The following GTF2IRD1 variants were observed in gnomAD, a reference collection of about 807,000 sequenced individuals.
GTF2IRD1 encodes the protein GTF2I repeat domain containing 1, also known as general transcription factor II-I repeat domain-containing protein 1.
GTF2IRD1 carries 26 observed loss-of-function variants against 113.2 expected under a neutral mutation model. The ratio of observed to expected loss-of-function variants is 0.23; its 90% confidence interval spans 0.17 to 0.32. The LOEUF (loss-of-function observed/expected upper bound fraction) is 0.32, where lower values mean the gene tolerates loss of function less well. GTF2IRD1 is among the 10% of genes least tolerant of loss of function. The pLI is 1.00. For missense variants in GTF2IRD1, 864 were observed against 1,280.8 expected (o/e 0.67, Z 4.97); for synonymous variants, 484 against 529.1 (o/e 0.91, Z 1.17).
chr7:74,567,294 C>T (rs1800380291), intron 22 of GTF2IRD1, among the ~76,000 whole-genome samples: 2 of 150,916 alleles, frequency 1.3e-5, no homozygotes, highest in Admixed American at 1.3e-4. Flanking sequence ...CACCACAGCA[C>T]TCCAACCCGG....
intron 22 of GTF2IRD1, among the ~76,000 whole-genome samples, chr7:74,568,875 A>G (rs1223958548): frequency 3.9e-5 from 6 of 152,132 alleles, no homozygotes; most frequent in African/African-American, 1.2e-4. Context: ...AGGATGTGGG[A>G]CACAGAGGTG....
At chr7:74,541,606 AAAAT>A (rs1554351727) in intron 14 of GTF2IRD1, among the ~76,000 whole-genome samples, 2 of 151,870 alleles carry the variant, frequency 1.3e-5, no homozygotes, top group East Asian at 1.9e-4. Context: ...ACCCTATCTT[AAAAT>A]AAATAAATAG....
chr7:74,459,895 A>C (rs1554328618), intron 1 of GTF2IRD1, among the ~76,000 whole-genome samples: 9 of 151,010 alleles, frequency 6.0e-5, no homozygotes. Context: ...TGGAGTTGGG[A>C]TCAGGGCTCA....
At chr7:74,496,642 G>A (rs557488309) in intron 1 of GTF2IRD1, among the ~76,000 whole-genome samples, 1 of 150,726 alleles carries the variant, frequency 6.6e-6, no homozygotes, top group African/African-American at 2.4e-5. Context: ...GCATGTATGT[G>A]TGCGTGTGGG....
intron 1 of GTF2IRD1, among the ~76,000 whole-genome samples, chr7:74,476,939 G>A (rs558779189): frequency 2.6e-5 from 4 of 152,280 alleles, no homozygotes; most frequent in South Asian, 2.1e-4. Flanking sequence ...CTTAGTCAGC[G>A]TCCCACAGCA....
Position 74,555,245 on chromosome 7 carries a change from G to A in GTF2IRD1, c.1966+22G>A. 1 of 1,610,628 alleles carries A rather than the reference G, an allele frequency of 6.2e-7. No homozygotes were observed. Among genetic ancestry groups the A allele is most frequent in the Non-Finnish European group, 8.5e-7 (1 of 1,177,792 alleles). On this transcript the variant is annotated intron_variant, in intron 18 of 26. Coordinates refer to ENST00000424337, the MANE Select transcript of GTF2IRD1 (RefSeq NM_005685.4). The surrounding 1 kb of genome is among the most constrained non-coding windows in gnomAD (Gnocchi z 5.3). ...CAAGGTACCCAGCGCGGGGTCGGGA[G>A]CCATGGTGTGGGCGGGCAAGGGAGG...
At chr7:74,599,682 T>G (rs1554373348) in intron 25 of GTF2IRD1, among the ~76,000 whole-genome samples, 1 of 152,128 alleles carries the variant, frequency 6.6e-6, no homozygotes, top group East Asian at 1.9e-4. Flanking sequence ...AGCAATACAA[T>G]TTTTTTGTAT....
At chr7:74,489,863 C>T (rs1432135250) in intron 1 of GTF2IRD1, among the ~76,000 whole-genome samples, 1 of 152,140 alleles carries the variant, frequency 6.6e-6, no homozygotes, top group Non-Finnish European at 1.5e-5. Flanking sequence ...AAAGTTTGTC[C>T]CATCTTTAGA....
intron 1 of GTF2IRD1, among the ~76,000 whole-genome samples, chr7:74,472,139 C>G (rs1407071996): frequency 1.3e-5 from 2 of 152,230 alleles, no homozygotes; most frequent in Admixed American, 6.5e-5. Flanking sequence ...TTGGAGTTCA[C>G]CATCTCATTT....
At chr7:74,486,482 C>T (rs1795037398) in intron 1 of GTF2IRD1, among the ~76,000 whole-genome samples, 1 of 152,194 alleles carries the variant, frequency 6.6e-6, no homozygotes, top group African/African-American at 2.4e-5. Flanking sequence ...CCATTGCCTG[C>T]TTCCAGGGAA....
At chr7:74,578,249 T>C (rs1302334370) in intron 22 of GTF2IRD1, among the ~76,000 whole-genome samples, 1 of 152,224 alleles carries the variant, frequency 6.6e-6, no homozygotes, top group African/African-American at 2.4e-5. Flanking sequence ...TAGTGTGATC[T>C]TGGCTCACTG....
At chr7:74,597,300 C>A (rs1432883345) in intron 25 of GTF2IRD1, among the ~76,000 whole-genome samples, 1 of 151,766 alleles carries the variant, frequency 6.6e-6, no homozygotes, top group Non-Finnish European at 1.5e-5. Context: ...CCTCGGCCCC[C>A]CAAAGTGCTG....
intron 1 of GTF2IRD1, chr7:74,487,603 T>G (rs186369529): frequency 4.2e-4 from 64 of 152,288 alleles, no homozygotes; most frequent in African/African-American, 1.5e-3. Context: ...TCCACATTAC[T>G]TAAACAATTT....
intron 22 of GTF2IRD1, among the ~76,000 whole-genome samples, chr7:74,579,596 C>T (rs111994223): frequency 2.7e-5 from 4 of 148,280 alleles, no homozygotes; most frequent in African/African-American, 7.5e-5. Flanking sequence ...CCACCCTGAG[C>T]GACAGAGCAA....
intron 23 of GTF2IRD1, 121 bp downstream of exon 23, chr7:74,590,049 A>G (rs1801962723): frequency 1.6e-6 from 1 of 638,082 alleles, no homozygotes; most frequent in Non-Finnish European, 2.8e-6. Flanking sequence ...CCCTGGTGAC[A>G]TGGCTGCTCT....
At position 74,555,205 on chromosome 7, in the gene GTF2IRD1, C is replaced by T; in HGVS notation, c.1948C>T (p.Pro650Ser). The change falls in exon 18 of 27, where the codon CCC becomes TCC. Residue 650 changes from proline to serine, a missense_variant. This residue lies in a region of GTF2IRD1 where 195 missense variants were observed against 359.1 expected (regional missense o/e 0.54). Coordinates refer to ENST00000424337, the MANE Select transcript of GTF2IRD1 (RefSeq NM_005685.4). The surrounding 1 kb of genome is among the most constrained non-coding windows in gnomAD (Gnocchi z 5.3). ...GCTGCTCACTGAGGGAGTCAAAGAG[C>T]CCATCATGGATAGTCAAGGTACCCA... Reference protein sequence around the residue: ...PELLTEGVKEPIMDSQERDSG... With the variant: ...PELLTEGVKESIMDSQERDSG... The T allele has an allele frequency of 2.5e-6, 4 of 1,613,624 alleles. No homozygotes were observed. The highest frequency in any genetic ancestry group is 2.2e-5 in the South Asian group (2 of 91,020).
At chr7:74,504,811 G>A (rs1023488382) in intron 1 of GTF2IRD1, among the ~76,000 whole-genome samples, 2 of 149,594 alleles carry the variant, frequency 1.3e-5, no homozygotes, top group South Asian at 2.1e-4. Context: ...GGGTTCCAGC[G>A]ATTCTCCTGC....
chr7:74,506,453 C>T (rs1323309148), intron 1 of GTF2IRD1: 3 of 152,234 alleles, frequency 2.0e-5, no homozygotes, highest in African/African-American at 7.2e-5. Flanking sequence ...TGGGCCTTCC[C>T]TACCCCATTG....
intron 22 of GTF2IRD1, among the ~76,000 whole-genome samples, chr7:74,560,603 C>T (rs1799895517): frequency 6.7e-6 from 1 of 149,858 alleles, no homozygotes; most frequent in Non-Finnish European, 1.5e-5. Flanking sequence ...GAGACAGAGA[C>T]AGACCAAGTC....
Sources: gnomAD v4.1 joint callset for allele counts (sites outside exome capture counted in the v4.1 genomes callset) on GRCh38, gnomAD v4.1.1 for gene constraint, gnomAD v4.1.1 regional missense constraint, Gnocchi (gnomAD v3.1) non-coding constraint, MANE v1.5 for transcripts, NCBI Gene and HGNC (gene_info 2026-07-23, HGNC 2026-07-21) for gene names.